Variants in UQCC2 observed in about 807,000 individuals in gnomAD.
UQCC2 encodes ubiquinol-cytochrome c reductase complex assembly factor 2.
Under a neutral mutation model 19.9 loss-of-function variants are expected in UQCC2, and 21 were observed. That is an observed-to-expected ratio of 1.05 (90% CI 0.75 to 1.52). UQCC2 has a LOEUF of 1.52. Ranked by LOEUF, UQCC2 falls within the 40% of genes most tolerant of loss-of-function variation. The pLI, the probability that UQCC2 is intolerant of heterozygous loss-of-function variation, is 0.00. For missense variants in UQCC2, 135 were observed against 157.5 expected, an observed-to-expected ratio of 0.86 and a Z score of 0.76; for synonymous variants, 57 against 60.9, an observed-to-expected ratio of 0.94 and a Z score of 0.30.
At position 33,700,261 on chromosome 6, in the gene UQCC2, G is replaced by A. The variant is rs74330951; in HGVS notation, c.283+183C>T. Among the ~76,000 whole-genome samples, 7,897 of 152,046 alleles carry A rather than the reference G, an allele frequency of 0.052. 343 individuals carry two copies. Among genetic ancestry groups the A allele is most frequent in the African/African-American group, 0.12 (5,125 of 41,444 alleles). On this transcript the variant is annotated intron_variant, in intron 3 of 3. Transcript: ENST00000607484. ...AGATAGATTTTCTTTTTTAAATAAC[G>A]CCTTTGACCTTCTCCACAGTATATG...
intron 2 of UQCC2, 30 bp downstream of exon 2, chr6:33,701,316 T>C (rs1765637053): frequency 6.3e-7 from 1 of 1,590,490 alleles, no homozygotes; most frequent in East Asian, 2.3e-5. Context: ...GTCAGAAAGC[T>C]GGGTATATAA....
rs192222944 is a variant in UQCC2 at position 33,700,561 on chromosome 6, C to A, written c.214-48G>T. ...AGTGAAGGGAGGGGAGAGATCAGCA[C>A]ACAAGCCCTGCTCTCTAACTGCATT... On this transcript the variant is annotated intron_variant, in intron 2 of 3. Transcript: ENST00000607484. The A allele has an allele frequency of 8.7e-4, 1,383 of 1,593,028 alleles. 13 individuals are homozygous for A. In the African/African-American group the frequency reaches 0.012, roughly 14 times the overall value.
intron 1 of UQCC2, among the ~76,000 whole-genome samples, chr6:33,708,347 T>C (rs1280515008): frequency 6.6e-6 from 1 of 152,212 alleles, no homozygotes. Flanking sequence ...GGGCTGGGTC[T>C]GTTTCTCACT....
chr6:33,700,298 T>C (rs1003282946), intron 3 of UQCC2, 146 bp downstream of exon 3: 4 of 801,394 alleles, frequency 5.0e-6, no homozygotes, highest in Admixed American at 4.3e-5. Context: ...TCAAAATGCA[T>C]GCGCCCTGTA....
chr6:33,697,487 C>A lies in UQCC2; in HGVS notation c.*166G>T. ...TCACAGCAGATAGCTCAATCACCAT[C>A]CCTTCTCAGGCTGAAACTTTCTTTA... is the stretch of plus-strand genomic sequence containing the variant. On this transcript the variant is annotated 3_prime_UTR_variant, in exon 4 of 4. Coordinates refer to ENST00000607484, the MANE Select transcript of UQCC2 (RefSeq NM_032340.4). The A allele has an allele frequency of 1.7e-6, 1 of 587,052 alleles. No individual in the cohort carries two copies. Among genetic ancestry groups the A allele is most frequent in the Non-Finnish European group, 3.0e-6 (1 of 336,472 alleles). The allele number at this position is 587,052 out of a possible 1,614,324, so 36.4% of individuals were successfully genotyped here. A position where few individuals can be genotyped will look rare whatever the true frequency, so the allele number is the denominator to read the frequency against.
chr6:33,703,773 T>C (rs1347921524), intron 1 of UQCC2, among the ~76,000 whole-genome samples: 1 of 152,176 alleles, frequency 6.6e-6, no homozygotes, highest in Non-Finnish European at 1.5e-5. Flanking sequence ...AACAAGAACA[T>C]TCTCTTATAT....
chr6:33,700,431 G>A lies in UQCC2; in HGVS notation c.283+13C>T, dbSNP rs1429067246. ...TGCAAACCAATGAGAAAAGGCAGCT[G>A]TGCTTTCATTACCTGTGGACAGGAT... On this transcript the variant is annotated intron_variant, in intron 3 of 3. Coordinates refer to ENST00000607484, the MANE Select transcript of UQCC2 (RefSeq NM_032340.4). 6.2e-7 allele frequency: 1 copy of A among 1,613,442 alleles called. No homozygotes were observed. Among genetic ancestry groups the A allele is most frequent in the African/African-American group, 1.3e-5 (1 of 74,910 alleles).
chr6:33,709,779 C>A (rs9380374), intron 1 of UQCC2, among the ~76,000 whole-genome samples: 32,929 of 151,276 alleles, frequency 0.22, 4,765 homozygotes, highest in East Asian at 0.65. Context: ...AAAAAAAAAA[C>A]CCATGTTCCT....
At position 33,697,539 on chromosome 6, in the gene UQCC2, A is replaced by C; in HGVS notation, c.*114T>G. ...AGCAGCAAGGGCTTCCTTTCTGGGA[A>C]AGCTAGAGGAGATTCCCAAACCGTA... On this transcript the variant is annotated 3_prime_UTR_variant, in exon 4 of 4. Coordinates refer to ENST00000607484, the MANE Select transcript of UQCC2 (RefSeq NM_032340.4). 1 of 738,904 alleles carries C rather than the reference A, an allele frequency of 1.4e-6. No individual in the cohort carries two copies. The highest frequency in any genetic ancestry group is 2.2e-6 in the Non-Finnish European group (1 of 459,570). 45.8% of individuals were successfully genotyped at this position (738,904 alleles called of 1,614,324 possible).
rs575309908 is a variant in UQCC2 at position 33,697,598 on chromosome 6, G to A, written c.*55C>T. On this transcript the variant is annotated 3_prime_UTR_variant, in exon 4 of 4. Coordinates refer to ENST00000607484, the MANE Select transcript of UQCC2 (RefSeq NM_032340.4). The stretch of plus-strand genomic sequence containing the variant: ...GGGAAACTGGGGCAGTTTTATTGAC[G>A]ATGGCAATGTACAAGACTCCACACC... The A allele has an allele frequency of 1.8e-4, 248 of 1,369,712 alleles. 1 individual carries two copies. The highest frequency in any genetic ancestry group is 1.3e-3 in the Middle Eastern group (5 of 3,980). The allele number at this position is 1,369,712 out of a possible 1,614,324, so 84.8% of individuals were successfully genotyped here.
intron 2 of UQCC2, 63 bp from the exon 3 acceptor site, chr6:33,700,576 C>T: frequency 6.4e-7 from 1 of 1,567,742 alleles, no homozygotes. Flanking sequence ...GCCCTGCTCT[C>T]TAACTGCATT....
chr6:33,704,463 T>C (rs1435809860), intron 1 of UQCC2, among the ~76,000 whole-genome samples: 1 of 152,106 alleles, frequency 6.6e-6, no homozygotes, highest in Non-Finnish European at 1.5e-5. Context: ...GAAACGGAAG[T>C]GAGGAAGGAT....
intron 1 of UQCC2, 141 bp from the exon 2 acceptor site, chr6:33,701,561 G>A: frequency 1.4e-6 from 1 of 714,914 alleles, no homozygotes. Flanking sequence ...CACTCTGCGG[G>A]AAGCAAACCT....
At chr6:33,709,448 C>G (rs637135) in intron 1 of UQCC2, among the ~76,000 whole-genome samples, 138,152 of 152,206 alleles carry the variant, frequency 0.91, 62,840 homozygotes, top group East Asian at 0.99. Context: ...GCTAGACACT[C>G]GTAGGGGAGA....
Position 33,697,354 on chromosome 6 carries a change from C to T in UQCC2, c.*299G>A, listed in dbSNP as rs1466617564. 1.7e-5 allele frequency: 5 copies of T among 292,332 alleles called. No individual in the cohort carries two copies. The highest frequency in any genetic ancestry group is 3.2e-5 in the Non-Finnish European group (5 of 158,344). 18.1% of individuals were successfully genotyped at this position (292,332 alleles called of 1,614,324 possible). On this transcript the variant is annotated 3_prime_UTR_variant, in exon 4 of 4. Coordinates refer to ENST00000607484, the MANE Select transcript of UQCC2 (RefSeq NM_032340.4). ...CCCGTGCCAGAGGGGCGGGGGCTCC[C>T]GTGGCAATGCAGGAAGCACCTTGTG...
chr6:33,701,495 AC>A, intron 1 of UQCC2, 75 bp from the exon 2 acceptor site: 1 of 1,445,920 alleles, frequency 6.9e-7, no homozygotes, highest in Non-Finnish European at 9.5e-7. Flanking sequence ...TTGAGGAAAG[AC>A]CATACTTAAT....
chr6:33,701,167 T>C (rs1765635101), intron 2 of UQCC2, among the ~76,000 whole-genome samples, 179 bp downstream of exon 2: 2 of 152,258 alleles, frequency 1.3e-5, no homozygotes, highest in South Asian at 4.1e-4. Context: ...AAATAGCTTT[T>C]ATTTAGGTGG....
intron 1 of UQCC2, among the ~76,000 whole-genome samples, chr6:33,703,138 G>A (rs930393537): frequency 6.6e-6 from 1 of 152,226 alleles, no homozygotes; most frequent in African/African-American, 2.4e-5. Context: ...CATTAGAATG[G>A]AATTCTGCAC....
At chr6:33,700,107 G>GT (rs1765621935) in intron 3 of UQCC2, among the ~76,000 whole-genome samples, 1 of 152,132 alleles carries the variant, frequency 6.6e-6, no homozygotes, top group African/African-American at 2.4e-5. Flanking sequence ...AACCTTCATT[G>GT]TTTATAAAGC....
Sources: allele counts gnomAD v4.1 joint callset (sites outside exome capture counted in the v4.1 genomes callset), GRCh38; gene constraint gnomAD v4.1.1; transcripts MANE v1.5; gene names NCBI Gene and HGNC (gene_info 2026-07-23, HGNC 2026-07-21).